FAAH2: variants seen among roughly 807,000 people sequenced by gnomAD.
FAAH2 encodes fatty-acid amide hydrolase 2.
Under a neutral mutation model 36.9 loss-of-function variants are expected in FAAH2, and 60 were observed. That is an observed-to-expected ratio of 1.63 (90% CI 1.32 to 2.02). The LOEUF (loss-of-function observed/expected upper bound fraction) is 2.02. Ranked by LOEUF, FAAH2 falls within the 30% of genes most tolerant of loss-of-function variation. The pLI, the probability that FAAH2 is intolerant of heterozygous loss-of-function variation, is 0.00. For synonymous variants in FAAH2, 214 were observed against 143.8 expected, an observed-to-expected ratio of 1.49 and a Z score of -3.49; for missense variants, 689 against 397.5, an observed-to-expected ratio of 1.73 and a Z score of -6.23.
At chrX:57,282,267 C>T (rs1364393231), upstream of FAAH2, among the ~76,000 whole-genome samples, 1 of 112,020 alleles carries the variant, frequency 8.9e-6, no homozygotes, top group Non-Finnish European at 1.9e-5. Context: ...GCCATTCTGA[C>T]TATGTGAGAT....
intron 7 of FAAH2, among the ~76,000 whole-genome samples, chrX:57,420,141 G>C (rs1479036998): frequency 8.9e-6 from 1 of 111,809 alleles, no homozygotes; most frequent in African/African-American, 3.3e-5. Context: ...GTAGTTTGAA[G>C]TCAGGTAGCA....
chrX:57,176,248 T>C, the FAAH2 span, among the ~76,000 whole-genome samples: 1 of 103,124 alleles, frequency 9.7e-6, no homozygotes, highest in South Asian at 4.3e-4. Context: ...TCCCATATTT[T>C]TTGGAGACTT....
At chrX:57,311,295 G>A (rs186354237) in intron 3 of FAAH2, among the ~76,000 whole-genome samples, 3 of 112,357 alleles carry the variant, frequency 2.7e-5, no homozygotes, top group African/African-American at 9.7e-5. Flanking sequence ...GAAATGTATG[G>A]CTTTCAGTGA....
At chrX:57,334,779 T>G (rs2053501580) in intron 4 of FAAH2, among the ~76,000 whole-genome samples, 1 of 111,357 alleles carries the variant, frequency 9.0e-6, no homozygotes, top group Non-Finnish European at 1.9e-5. Flanking sequence ...TAGTTCTAAA[T>G]GTATATTGCA....
chrX:57,362,125 G>A (rs934443945), intron 5 of FAAH2, among the ~76,000 whole-genome samples: 4 of 110,346 alleles, frequency 3.6e-5, no homozygotes, highest in African/African-American at 9.9e-5. Context: ...TAAGAACAGG[G>A]GATAAAGAAA....
intron 10 of FAAH2, among the ~76,000 whole-genome samples, chrX:57,457,138 A>AT (rs2147204667): frequency 8.9e-6 from 1 of 112,036 alleles, no homozygotes; most frequent in African/African-American, 3.2e-5. Flanking sequence ...TGCAAGGTTG[A>AT]TTCACCATAC....
intron 6 of FAAH2, among the ~76,000 whole-genome samples, chrX:57,380,409 T>A (rs1177395023): frequency 9.0e-6 from 1 of 111,452 alleles, no homozygotes; most frequent in Non-Finnish European, 1.9e-5. Context: ...ACTCAATATA[T>A]CTAAAACTGA....
the FAAH2 span, among the ~76,000 whole-genome samples, chrX:57,217,928 C>T: frequency 9.0e-6 from 1 of 111,490 alleles, no homozygotes; most frequent in Non-Finnish European, 1.9e-5. Context: ...GCATGTGTTT[C>T]CATTTGTTTG....
chrX:57,330,112 A>T (rs906074430), intron 3 of FAAH2, among the ~76,000 whole-genome samples: 2 of 112,014 alleles, frequency 1.8e-5, no homozygotes, highest in African/African-American at 6.5e-5. Context: ...ACAAGATAAC[A>T]GCAACTGTTC....
At chrX:57,351,427 C>A (rs1051902543) in intron 5 of FAAH2, among the ~76,000 whole-genome samples, 35 of 110,624 alleles carry the variant, frequency 3.2e-4, no homozygotes, top group Non-Finnish European at 5.7e-5. Flanking sequence ...GCATATTAAG[C>A]AACTAGAAAA....
In FAAH2 at chrX:57,418,641, GGCTGGGAGCTGCAGACCAGA is replaced by G. The variant is rs1286711695; in HGVS notation, c.997-13272_997-13253del. ...AATCACCCACCTTCTGCGTTGATCT[GGCTGGGAGCTGCAGACCAGA>G]GCTGTTCCTATTTGACCATCTTGCC... On this transcript the variant is annotated intron_variant, in intron 7 of 10. Coordinates refer to ENST00000374900, the MANE Select transcript of FAAH2 (RefSeq NM_174912.4). Among the ~76,000 whole-genome samples the G allele has an allele frequency of 3.6e-5, 4 of 110,658 alleles. No homozygotes were observed. In the East Asian group the frequency reaches 8.5e-4, roughly 24 times the overall value.
chrX:57,313,538 A>C (rs189671229), intron 3 of FAAH2, among the ~76,000 whole-genome samples: 40 of 111,231 alleles, frequency 3.6e-4, no homozygotes, highest in South Asian at 1.9e-3. Context: ...AGAGTACTCC[A>C]TCAGGCAAGC....
the FAAH2 span, among the ~76,000 whole-genome samples, chrX:57,255,805 C>T: frequency 9.0e-6 from 1 of 111,373 alleles, no homozygotes; most frequent in Non-Finnish European, 1.9e-5. Flanking sequence ...TATGACAAAC[C>T]CACAACCGAT....
chrX:57,382,382 C>A (rs1398965167), intron 7 of FAAH2, among the ~76,000 whole-genome samples: 6 of 111,103 alleles, frequency 5.4e-5, no homozygotes, highest in African/African-American at 2.0e-4. Context: ...TCAATGAATC[C>A]AGATGCTGGT....
At chrX:57,302,798 C>T (rs986058965) in intron 2 of FAAH2, among the ~76,000 whole-genome samples, 1 of 111,036 alleles carries the variant, frequency 9.0e-6, no homozygotes, top group African/African-American at 3.3e-5. Flanking sequence ...CATTGGCCAG[C>T]CTATGTATCA....
At chrX:57,348,978 A>G (rs774093904) in intron 5 of FAAH2, among the ~76,000 whole-genome samples, 2 of 105,208 alleles carry the variant, frequency 1.9e-5, no homozygotes, top group South Asian at 8.1e-4. Context: ...AATCCAAAAT[A>G]AAGACGCTCA....
At chrX:57,453,057 G>A (rs1027203522) in intron 10 of FAAH2, among the ~76,000 whole-genome samples, 6 of 111,535 alleles carry the variant, frequency 5.4e-5, no homozygotes, top group African/African-American at 2.0e-4. Context: ...CATTACCTGT[G>A]GCACCTTATT....
At chrX:57,124,951 C>T in the FAAH2 span, among the ~76,000 whole-genome samples, 1 of 112,226 alleles carries the variant, frequency 8.9e-6, no homozygotes, top group Non-Finnish European at 1.9e-5. Flanking sequence ...CATCTGCAAA[C>T]AGGCATAATT....
intron 7 of FAAH2, among the ~76,000 whole-genome samples, chrX:57,409,028 T>C (rs2055635579): frequency 9.0e-6 from 1 of 111,638 alleles, no homozygotes; most frequent in South Asian, 3.7e-4. Flanking sequence ...TAGTATAGTC[T>C]CTAGTTCCTA....
Sources: allele counts gnomAD v4.1 joint callset (sites outside exome capture counted in the v4.1 genomes callset), GRCh38; gene constraint gnomAD v4.1.1; transcripts MANE v1.5; gene names NCBI Gene and HGNC (gene_info 2026-07-23, HGNC 2026-07-21).